Variants in PTPN4 observed in about 807,000 individuals in gnomAD.
PTPN4 encodes tyrosine-protein phosphatase non-receptor type 4.
A neutral mutation model predicts 135.5 loss-of-function variants in PTPN4; 49 were observed. That is an observed-to-expected ratio of 0.36 (90% CI 0.29 to 0.46). The LOEUF (loss-of-function observed/expected upper bound fraction) is 0.46, where lower values mean the gene tolerates loss of function less well. Ranked by LOEUF, PTPN4 falls within the 20% of genes least tolerant of loss-of-function variation. The pLI, the probability that PTPN4 is intolerant of heterozygous loss-of-function variation, is 1.00. For synonymous variants in PTPN4, 333 were observed against 369.9 expected (o/e 0.90, Z 1.14); for missense variants, 860 against 1,101.0 (o/e 0.78, Z 3.10).
At chr2:119,808,758 G>A (rs868299216) in intron 1 of PTPN4, among the ~76,000 whole-genome samples, 4 of 151,984 alleles carry the variant, frequency 2.6e-5, no homozygotes, top group Admixed American at 6.6e-5. Context: ...CTTGGCAAGC[G>A]TCTCCTTGTC....
In PTPN4 at chr2:119,772,013, T is replaced by C. The variant is rs1055822764; in HGVS notation, c.-18+11629T>C. On this transcript the variant is annotated intron_variant, in intron 1 of 26. Transcript: ENST00000263708. ...GAGTTTTCCAAGGGGATTAAAGTTA[T>C]TTGGGAAATATCAGTTTTTAAGATA... Among the ~76,000 whole-genome samples, 6 of 152,238 alleles carry C rather than the reference T, an allele frequency of 3.9e-5. No individual in the cohort carries two copies. In the South Asian group the frequency reaches 1.0e-3, roughly 26 times the overall value.
chr2:119,889,570 A>G (rs1266023825), intron 9 of PTPN4, among the ~76,000 whole-genome samples: 1 of 152,126 alleles, frequency 6.6e-6, no homozygotes, highest in Non-Finnish European at 1.5e-5. Flanking sequence ...TTGAAGAACC[A>G]ACTTTTTGTT....
chr2:119,909,818 T>A (rs1678542167), intron 10 of PTPN4, among the ~76,000 whole-genome samples: 2 of 152,092 alleles, frequency 1.3e-5, no homozygotes, highest in Non-Finnish European at 1.5e-5. Flanking sequence ...TTGAGGGGGT[T>A]AAGACTTCAG....
chr2:119,817,722 A>G (rs189570163), intron 2 of PTPN4, among the ~76,000 whole-genome samples: 4 of 152,304 alleles, frequency 2.6e-5, no homozygotes, highest in East Asian at 1.9e-4. Context: ...GTAGTTTAAT[A>G]GAGATAGCAT....
At chr2:119,956,440 T>G (rs1019763583) in intron 20 of PTPN4, among the ~76,000 whole-genome samples, 5 of 152,144 alleles carry the variant, frequency 3.3e-5, no homozygotes, top group African/African-American at 1.2e-4. Flanking sequence ...TGTTCTGACA[T>G]ATATGTTATA....
At chr2:119,775,141 T>G (rs1690810776) in intron 1 of PTPN4, among the ~76,000 whole-genome samples, 1 of 134,470 alleles carries the variant, frequency 7.4e-6, no homozygotes, top group Non-Finnish European at 1.5e-5. Context: ...AAAGGACATT[T>G]ATTAGTAAGA....
intron 2 of PTPN4, among the ~76,000 whole-genome samples, chr2:119,857,780 C>T (rs771316116): frequency 6.6e-6 from 1 of 152,086 alleles, no homozygotes; most frequent in Non-Finnish European, 1.5e-5. Flanking sequence ...TCTGGATTGG[C>T]AGGCTTGGGT....
chr2:119,901,143 A>C (rs1160112569), intron 10 of PTPN4, among the ~76,000 whole-genome samples: 2 of 152,230 alleles, frequency 1.3e-5, no homozygotes, highest in East Asian at 1.9e-4. Context: ...TAACCAAAGT[A>C]GGAGAATGGA....
intron 2 of PTPN4, among the ~76,000 whole-genome samples, chr2:119,825,730 A>G (rs1677137532): frequency 1.3e-5 from 2 of 152,170 alleles, no homozygotes; most frequent in South Asian, 2.1e-4. Context: ...TCCTGACCTC[A>G]AGAGATCCAC....
intron 1 of PTPN4, among the ~76,000 whole-genome samples, chr2:119,808,415 C>G (rs1193786988): frequency 6.6e-6 from 1 of 152,106 alleles, no homozygotes; most frequent in Non-Finnish European, 1.5e-5. Flanking sequence ...AAATCACAAG[C>G]ATTCCTATAC....
intron 2 of PTPN4, among the ~76,000 whole-genome samples, chr2:119,848,516 C>T (rs1333519840): frequency 6.6e-6 from 1 of 151,656 alleles, no homozygotes; most frequent in Non-Finnish European, 1.5e-5. Flanking sequence ...TTCCTTCTCT[C>T]CTCTCCTTCT....
At chr2:119,860,304 G>T (rs1448796472) in intron 2 of PTPN4, among the ~76,000 whole-genome samples, 1 of 152,202 alleles carries the variant, frequency 6.6e-6, no homozygotes, top group South Asian at 2.1e-4. Context: ...TCATTGATGA[G>T]TTTTTTCAGA....
At position 119,932,547 on chromosome 2, in the gene PTPN4, T is replaced by G; in HGVS notation, c.1194T>G (p.Asn398Lys). ...CACGATCTCCACCGGGAACTCCTAA[T>G]CAGTAAGTGTGAATTTTGTGACCAA... ...LPSRSPPGTP[N>K]HRNSTFTQEG... The change falls in exon 14 of 27, where the codon AAT becomes AAG. Residue 398 changes from asparagine to lysine, a missense_variant and splice_region_variant. Physicochemically the swap from Asn to Lys is moderately conservative, Grantham distance 94 (BLOSUM62 0). This residue lies in a region of PTPN4 where 684 missense variants were observed against 807.0 expected (regional missense o/e 0.85). Coordinates refer to ENST00000263708, the MANE Select transcript of PTPN4 (RefSeq NM_002830.4). The G allele has an allele frequency of 6.2e-7, 1 of 1,601,158 alleles. No individual in the cohort carries two copies. Among genetic ancestry groups the G allele is most frequent in the Non-Finnish European group, 8.5e-7 (1 of 1,174,922 alleles).
In PTPN4 at chr2:119,920,140, A is replaced by G. The variant is rs372106494; in HGVS notation, c.900A>G (p.Ala300=). 3.1e-6 allele frequency: 5 copies of G among 1,613,394 alleles called. No individual in the cohort carries two copies. The African/African-American group carries it at 5.3e-5, about 17-fold the overall frequency. ...GAGCATGTAAAAATTTGTGGAAAGC[A>G]TGTGTAGAACATCACACATTCTTCC... ...NYRACKNLWK[A]CVEHHTFFRL... The change falls in exon 12 of 27, where the codon GCA becomes GCG. Residue 300 remains alanine, a synonymous_variant. Transcript: ENST00000263708.
intron 1 of PTPN4, among the ~76,000 whole-genome samples, chr2:119,775,693 C>G (rs973300168): frequency 1.3e-5 from 2 of 152,178 alleles, no homozygotes; most frequent in Admixed American, 1.3e-4. Context: ...TGAAAGCCAT[C>G]AGGCCTGAAA....
At chr2:119,834,016 C>T (rs1006905847) in intron 2 of PTPN4, among the ~76,000 whole-genome samples, 1 of 152,066 alleles carries the variant, frequency 6.6e-6, no homozygotes, top group African/African-American at 2.4e-5. Flanking sequence ...TCTCTTTTTT[C>T]CAGTGCCCAC....
chr2:119,915,430 ATT>A (rs1221149248), intron 11 of PTPN4, 188 bp downstream of exon 11: 2 of 371,338 alleles, frequency 5.4e-6, no homozygotes, highest in Non-Finnish European at 9.7e-6. Context: ...TGTGGTTCTA[ATT>A]TAAAGTTCTT....
intron 1 of PTPN4, among the ~76,000 whole-genome samples, chr2:119,808,666 C>T (rs1354915762): frequency 2.0e-5 from 3 of 152,136 alleles, no homozygotes; most frequent in Non-Finnish European, 4.4e-5. Flanking sequence ...TGAAGCAATC[C>T]TCCCACCTCC....
intron 9 of PTPN4, 102 bp from the exon 10 acceptor site, chr2:119,900,601 TTGCAACCTTTGAAAA>T (rs1462970334): frequency 3.5e-6 from 2 of 564,586 alleles, no homozygotes; most frequent in African/African-American, 3.9e-5. Flanking sequence ...ATTCGGTTCT[TTGCAACCTTTGAAAA>T]TGCAATGTTT....
Sources: gnomAD v4.1 joint callset for allele counts (sites outside exome capture counted in the v4.1 genomes callset) on GRCh38, gnomAD v4.1.1 for gene constraint, gnomAD v4.1.1 regional missense constraint, MANE v1.5 for transcripts, NCBI Gene and HGNC (gene_info 2026-07-23, HGNC 2026-07-21) for gene names.